The following SGK2 variants were observed in gnomAD, a reference collection of about 807,000 sequenced individuals.
SGK2 encodes serum/glucocorticoid regulated kinase 2.
Under a neutral mutation model 47.5 loss-of-function variants are expected in SGK2, and 36 were observed. The ratio of observed to expected loss-of-function variants is 0.76; its 90% CI spans 0.58 to 1.00. The LOEUF is 1.00. SGK2 is among the 50% of genes least tolerant of loss of function. The probability of loss-of-function intolerance (pLI) is 0.00; values close to 1 mark genes in which losing one functional copy is unlikely to be tolerated. For missense variants in SGK2, 404 were observed against 467.4 expected (o/e 0.86, Z 1.25); for synonymous variants, 157 against 181.9 (o/e 0.86, Z 1.10).
chr20:43,571,174 C>A, intron 8 of SGK2, 114 bp downstream of exon 8: 1 of 1,517,226 alleles, frequency 6.6e-7, no homozygotes, highest in Non-Finnish European at 9.0e-7. Flanking sequence ...TACATGTATG[C>A]ATATAGGTAG....
At chr20:43,567,426 A>T (rs546340455) in intron 3 of SGK2, among the ~76,000 whole-genome samples, 1 of 152,228 alleles carries the variant, frequency 6.6e-6, no homozygotes, top group South Asian at 2.1e-4. Context: ...GTCTGGTTTT[A>T]TCTCTACCCT....
chr20:43,566,719 A>G (rs1600987455), intron 2 of SGK2, among the ~76,000 whole-genome samples, 188 bp downstream of exon 2: 2 of 152,106 alleles, frequency 1.3e-5, no homozygotes, highest in African/African-American at 2.4e-5. Flanking sequence ...AAAAATCATG[A>G]GATTTGTCAT....
chr20:43,575,464 CA>C (rs11471675), intron 10 of SGK2, among the ~76,000 whole-genome samples: 41 of 116,706 alleles, frequency 3.5e-4, no homozygotes, highest in South Asian at 1.2e-3. Flanking sequence ...GACTCTGTCT[CA>C]AAAAAAAAAA....
In SGK2 at chr20:43,570,611, C is replaced by G; in HGVS notation, c.361-6C>G. On this transcript the variant is annotated splice_region_variant and splice_polypyrimidine_tract_variant and intron_variant, in intron 6 of 12. Coordinates refer to ENST00000373100, the MANE Select transcript of SGK2 (RefSeq NM_170693.3). ...TAACTCCTGTCACACTCCTCCTCCC[C>G]TCCAGCTCTTCTTCCACCTGCAGCG... The G allele has an allele frequency of 6.3e-7, 1 of 1,597,294 alleles. No individual in the cohort carries two copies. Among genetic ancestry groups the G allele is most frequent in the Non-Finnish European group, 8.6e-7 (1 of 1,168,866 alleles).
chr20:43,583,299 AGAT>A (rs1476757412), intron 12 of SGK2: 1 of 1,289,488 alleles, frequency 7.8e-7, no homozygotes, highest in Non-Finnish European at 1.0e-6. Flanking sequence ...TACTAGGCAG[AGAT>A]GAATGGACTT....
intron 9 of SGK2, among the ~76,000 whole-genome samples, chr20:43,573,866 G>A (rs1275333441): frequency 2.0e-5 from 3 of 152,104 alleles, no homozygotes; most frequent in East Asian, 1.9e-4. Context: ...TGCTAGGGAC[G>A]GGAACAAAGG....
In SGK2 at chr20:43,569,441, C is replaced by T; in HGVS notation, c.285C>T (p.Phe95=). Residue 95 remains phenylalanine, a synonymous_variant, in exon 6 of 13, where the codon TTC becomes TTT. Coordinates refer to ENST00000373100, the MANE Select transcript of SGK2 (RefSeq NM_170693.3). ...TTCTGAAGAACGTGCGGCACCCCTT[C>T]CTCGTGGGCCTGCGCTACTCCTTCC... is the stretch of plus-strand genomic sequence containing the variant. ...SVLLKNVRHP[F]LVGLRYSFQT... is the part of the protein sequence containing the mutation. 6.2e-7 allele frequency: 1 copy of T among 1,613,970 alleles called. No individual in the cohort carries two copies. Among genetic ancestry groups the T allele is most frequent in the Non-Finnish European group, 8.5e-7 (1 of 1,180,010 alleles).
At chr20:43,571,095 G>A (rs1381505280) in intron 8 of SGK2, 35 bp downstream of exon 8, 1 of 1,602,294 alleles carries the variant, frequency 6.2e-7, no homozygotes. Flanking sequence ...GTGTGTGTGT[G>A]TGTGTGTATG....
intron 12 of SGK2, among the ~76,000 whole-genome samples, chr20:43,582,022 TC>T (rs1160792530): frequency 6.6e-6 from 1 of 152,246 alleles, no homozygotes; most frequent in Non-Finnish European, 1.5e-5. Context: ...TATTTCTTTG[TC>T]TTATAGTAAA....
intron 1 of SGK2, among the ~76,000 whole-genome samples, chr20:43,562,722 A>C (rs575918882): frequency 1.6e-4 from 24 of 152,328 alleles, no homozygotes; most frequent in East Asian, 1.5e-3. Context: ...CCTAGGCAAC[A>C]GAGTGAGACT....
rs991662235 is a variant in SGK2 at position 43,569,674 on chromosome 20, T to G, written c.360+158T>G. On this transcript the variant is annotated intron_variant, in intron 6 of 12. Transcript: ENST00000373100. The stretch of plus-strand genomic sequence containing the variant: ...AAACTGAGGTTCAGGGAGGTAATCA[T>G]TTGCTCAAGGCCACCCAGCGCATAC... 3 of 827,918 alleles carry G rather than the reference T, an allele frequency of 3.6e-6. No individual in the cohort carries two copies. The Admixed American group carries it at 8.0e-5, about 22-fold the overall frequency. The allele number at this position is 827,918 out of a possible 1,614,324, so 51.3% of individuals were successfully genotyped here. A position where few individuals can be genotyped will look rare whatever the true frequency, so the allele number is the denominator to read the frequency against.
chr20:43,576,228 C>A lies in SGK2; in HGVS notation c.698C>A (p.Pro233His). The part of the protein sequence containing the change: ...VLYEMLHGLP[P>H]FYSQDVSQMY... Reference sequence around the variant, plus strand: ...CTGTTCTCCCTCTCTCCCCAGCCGCCCTTCTACAGCCAAGATGTATCCCAG... The same window carrying A: ...CTGTTCTCCCTCTCTCCCCAGCCGCACTTCTACAGCCAAGATGTATCCCAG... The change falls in exon 11 of 13, where the codon CCC (proline) becomes CAC (histidine). Residue 233 changes from proline (P) to histidine (H), a missense_variant. Coordinates refer to ENST00000373100, the MANE Select transcript of SGK2 (RefSeq NM_170693.3). 1.2e-6 allele frequency: 2 copies of A among 1,613,994 alleles called. No homozygotes were observed. The highest frequency in any genetic ancestry group is 1.7e-6 in the Non-Finnish European group (2 of 1,179,882).
intron 2 of SGK2, 24 bp downstream of exon 2, chr20:43,566,555 C>T: frequency 4.0e-6 from 6 of 1,507,674 alleles, no homozygotes; most frequent in Non-Finnish European, 3.7e-6. Context: ...GGTCCCCCAC[C>T]CATCATCGGG....
At chr20:43,576,427 T>A in intron 11 of SGK2, 48 bp downstream of exon 11, 1 of 1,548,306 alleles carries the variant, frequency 6.5e-7, no homozygotes, top group Non-Finnish European at 8.9e-7. Flanking sequence ...GCTCGCAGCT[T>A]CCTGCAGAGG....
At position 43,569,505 on chromosome 20, in the gene SGK2, A is replaced by G. The variant is rs773071898; in HGVS notation, c.349A>G (p.Asn117Asp). 2 of 1,612,942 alleles carry G rather than the reference A, an allele frequency of 1.2e-6. No individual in the cohort carries two copies. The highest frequency in any genetic ancestry group is 2.7e-5 in the African/African-American group (2 of 74,864). ...GCTCTACTTCGTGCTCGACTATGTC[A>G]ACGGGGGAGAGGTGGGTGGGCCCAC... ...EKLYFVLDYV[N>D]GGELFFHLQR... is the part of the protein sequence containing the mutation. Residue 117 changes from asparagine to aspartate, a missense_variant, in exon 6 of 13, where the codon AAC becomes GAC. Physicochemically the swap from Asn to Asp is conservative, Grantham distance 23 (BLOSUM62 1). Coordinates refer to ENST00000373100, the MANE Select transcript of SGK2 (RefSeq NM_170693.3).
intron 11 of SGK2, among the ~76,000 whole-genome samples, chr20:43,578,730 G>A (rs999503252): frequency 6.6e-6 from 1 of 152,140 alleles, no homozygotes; most frequent in African/African-American, 2.4e-5. Flanking sequence ...TGTACCAAAA[G>A]CTTTACATTC....
chr20:43,577,347 C>CT (rs924498448), intron 11 of SGK2, among the ~76,000 whole-genome samples: 1,972 of 122,060 alleles, frequency 0.016, 48 homozygotes, highest in African/African-American at 0.044. Context: ...ACTGCATCTG[C>CT]TTTTTTTTTT....
chr20:43,578,088 T>A (rs1401536884), intron 11 of SGK2, among the ~76,000 whole-genome samples: 1 of 152,220 alleles, frequency 6.6e-6, no homozygotes, highest in East Asian at 1.9e-4. Flanking sequence ...TTAAAAATAA[T>A]CCTACTTTTT....
At chr20:43,562,224 G>A (rs1260373812) in intron 1 of SGK2, among the ~76,000 whole-genome samples, 3 of 151,534 alleles carry the variant, frequency 2.0e-5, no homozygotes, top group Non-Finnish European at 4.4e-5. Flanking sequence ...GACCAGCCTG[G>A]GCAACATAGT....
Sources: gnomAD v4.1 joint callset for allele counts (sites outside exome capture counted in the v4.1 genomes callset) on GRCh38, gnomAD v4.1.1 for gene constraint, MANE v1.5 for transcripts, NCBI Gene and HGNC (gene_info 2026-07-23, HGNC 2026-07-21) for gene names.